CDYL: variants seen among roughly 807,000 people sequenced by gnomAD.
CDYL encodes the protein chromodomain Y-like protein.
In CDYL, 8 loss-of-function variants were observed where a neutral mutation model predicts 47.3. That is an observed-to-expected ratio of 0.17 (90% CI 0.10 to 0.31). CDYL has a LOEUF of 0.31. Among genes scored for constraint, CDYL ranks in the 10% least tolerant of loss-of-function variants. The pLI is 1.00. For synonymous variants in CDYL, 266 were observed against 265.0 expected (o/e 1.00, Z -0.04); for missense variants, 471 against 701.4 (o/e 0.67, Z 3.71).
At chr6:4,934,404 T>C (rs1393755429) in intron 2 of CDYL, among the ~76,000 whole-genome samples, 1 of 152,242 alleles carries the variant, frequency 6.6e-6, no homozygotes, top group East Asian at 1.9e-4. Context: ...CAGGTTGTTT[T>C]GCCAGGGAGG....
intron 1 of CDYL, among the ~76,000 whole-genome samples, chr6:4,797,317 C>G (rs997968132): frequency 2.6e-5 from 4 of 152,098 alleles, no homozygotes; most frequent in African/African-American, 9.7e-5. Context: ...TCACAGGTTA[C>G]TTAAATTTCC....
At chr6:4,745,410 C>G (rs1324671213) in intron 3 of CDYL, among the ~76,000 whole-genome samples, 1 of 135,446 alleles carries the variant, frequency 7.4e-6, no homozygotes, top group South Asian at 2.2e-4. Context: ...TCTCAGAAAA[C>G]CCCCTCTTTC....
At chr6:4,750,699 A>C (rs922968943) in intron 3 of CDYL, among the ~76,000 whole-genome samples, 3 of 152,160 alleles carry the variant, frequency 2.0e-5, no homozygotes, top group Non-Finnish European at 4.4e-5. Context: ...TGTATGAATG[A>C]CAAAAGCTAG....
At chr6:4,922,759 C>G (rs1014447732) in intron 2 of CDYL, among the ~76,000 whole-genome samples, 2 of 152,202 alleles carry the variant, frequency 1.3e-5, no homozygotes, top group African/African-American at 4.8e-5. Context: ...TGAACCATTT[C>G]CTTTGAGTTA....
intron 1 of CDYL, among the ~76,000 whole-genome samples, chr6:4,874,722 A>C: frequency 6.6e-6 from 1 of 152,342 alleles, no homozygotes. Context: ...CTGGGCTCCC[A>C]TCGCCCCATC....
At chr6:4,914,481 T>C (rs746221809) in intron 2 of CDYL, among the ~76,000 whole-genome samples, 4 of 152,220 alleles carry the variant, frequency 2.6e-5, no homozygotes, top group African/African-American at 9.6e-5. Context: ...ATCTGTCTCT[T>C]GTGTTCTGCC....
chr6:4,898,052 C>T lies in CDYL; in HGVS notation c.691+5673C>T, dbSNP rs536693276. On this transcript the variant is annotated intron_variant, in intron 2 of 6. Coordinates refer to ENST00000397588, the MANE Select transcript of CDYL (RefSeq NM_004824.4). ...CAGCCTGGGCAATTGAGCAAGACTG[C>T]GTCTCCACCAAAAAAAAAATCCAGG... 9.9e-5 allele frequency among the ~76,000 whole-genome samples: 15 copies of T among 151,818 alleles called. No individual in the cohort carries two copies. The South Asian group carries it at 2.5e-3, about 25-fold the overall frequency.
At chr6:4,883,226 T>C (rs1039389071) in intron 1 of CDYL, among the ~76,000 whole-genome samples, 2 of 152,070 alleles carry the variant, frequency 1.3e-5, no homozygotes, top group African/African-American at 4.8e-5. Context: ...GGGGAGTGCA[T>C]TACACCTTGG....
chr6:4,743,029 G>A (rs139984542), intron 3 of CDYL, among the ~76,000 whole-genome samples: 3 of 152,284 alleles, frequency 2.0e-5, no homozygotes, highest in East Asian at 3.9e-4. Flanking sequence ...CTAACACTGC[G>A]TCCAGAAACA....
intron 1 of CDYL, among the ~76,000 whole-genome samples, chr6:4,781,197 A>AG (rs1450634729): frequency 6.6e-6 from 1 of 152,216 alleles, no homozygotes; most frequent in African/African-American, 2.4e-5. Flanking sequence ...CAGGATTTGC[A>AG]GGGGAAGGTA....
intron 2 of CDYL, among the ~76,000 whole-genome samples, chr6:4,900,563 TA>T (rs1373361957): frequency 3.9e-5 from 6 of 151,938 alleles, no homozygotes; most frequent in Non-Finnish European, 7.4e-5. Flanking sequence ...GTAATTGATT[TA>T]AAATTTTAAT....
rs552087042 is a variant in CDYL, at chr6:4,865,296, A to T, written c.25-26417A>T. Among the ~76,000 whole-genome samples, 44 of 152,316 alleles carry T rather than the reference A, an allele frequency of 2.9e-4. 1 individual carries two copies. The highest frequency in any genetic ancestry group is 8.8e-5 in the Non-Finnish European group (6 of 68,036). The stretch of plus-strand genomic sequence containing the variant: ...ACTACTCATCCCGCCACTCGGGCTC[A>T]TACCCCTTCTGTCTTTAAAATAGCC... On this transcript the variant is annotated intron_variant, in intron 1 of 6. Coordinates refer to ENST00000397588, the MANE Select transcript of CDYL (RefSeq NM_004824.4).
chr6:4,761,349 A>AT (rs150858018), intron 3 of CDYL, among the ~76,000 whole-genome samples: 8 of 151,648 alleles, frequency 5.3e-5, no homozygotes, highest in African/African-American at 9.7e-5. Flanking sequence ...TTTCCCCATG[A>AT]TTTTTTTTTC....
At chr6:4,860,718 A>G (rs932679290) in intron 1 of CDYL, among the ~76,000 whole-genome samples, 3 of 151,686 alleles carry the variant, frequency 2.0e-5, no homozygotes, top group Non-Finnish European at 4.4e-5. Flanking sequence ...GCCAGTCTGC[A>G]TGAGAAGCAA....
chr6:4,813,898 C>G (rs1247994683), intron 1 of CDYL, among the ~76,000 whole-genome samples: 6 of 151,840 alleles, frequency 4.0e-5, no homozygotes, highest in Admixed American at 3.3e-4. Context: ...CTCAGCCTCC[C>G]GGCTGGAACT....
chr6:4,902,402 C>T, intron 2 of CDYL, among the ~76,000 whole-genome samples: 1 of 139,196 alleles, frequency 7.2e-6, no homozygotes, highest in African/African-American at 2.6e-5. Flanking sequence ...GAAGCTCCAT[C>T]TCAAAAAAAA....
chr6:4,828,300 C>T lies in CDYL; in HGVS notation c.24+51493C>T, dbSNP rs544030339. 2.8e-5 allele frequency among the ~76,000 whole-genome samples: 4 copies of T among 141,122 alleles called. No individual in the cohort carries two copies. In the South Asian group the frequency reaches 9.1e-4, roughly 32 times the overall value. 92.6% of individuals were successfully genotyped at this position (141,122 alleles called of 152,430 possible). Reference sequence around the variant, plus strand: ...AGAGATTGGGTCTTGCTCTGTTGCCCAGGCTGGAGTGCGGTGGCATGATCA... The same window carrying T: ...AGAGATTGGGTCTTGCTCTGTTGCCTAGGCTGGAGTGCGGTGGCATGATCA... On this transcript the variant is annotated intron_variant, in intron 1 of 6. Coordinates refer to ENST00000397588, the MANE Select transcript of CDYL (RefSeq NM_004824.4).
intron 3 of CDYL, among the ~76,000 whole-genome samples, chr6:4,761,052 C>T (rs2127422895): frequency 6.6e-6 from 1 of 152,270 alleles, no homozygotes; most frequent in Admixed American, 6.5e-5. Context: ...TATAATATTA[C>T]TCTAAGACTC....
intron 4 of CDYL, among the ~76,000 whole-genome samples, chr6:4,942,387 T>C (rs1758385806): frequency 6.6e-6 from 1 of 152,180 alleles, no homozygotes; most frequent in African/African-American, 2.4e-5. Context: ...CTATCTCAGA[T>C]GCTGAGTCAT....
Sources: allele counts gnomAD v4.1 joint callset (sites outside exome capture counted in the v4.1 genomes callset), GRCh38; gene constraint gnomAD v4.1.1; transcripts MANE v1.5; gene names NCBI Gene and HGNC (gene_info 2026-07-23, HGNC 2026-07-21).